Variants in KDM4C observed in about 807,000 individuals in gnomAD.
KDM4C encodes lysine demethylase 4C, also known as lysine-specific demethylase 4C.
KDM4C carries 81 observed loss-of-function variants against 129.3 expected under a neutral mutation model. The observed-to-expected ratio is 0.63, with a 90% CI of 0.52 to 0.75. KDM4C has a LOEUF of 0.75. Ranked by LOEUF, KDM4C falls within the 30% of genes least tolerant of loss-of-function variation. The pLI is 0.00. For synonymous variants in KDM4C, 573 were observed against 456.1 expected (o/e 1.26, Z -3.26); for missense variants, 1,457 against 1,304.0 (o/e 1.12, Z -1.81).
At chr9:7,037,321 A>C (rs191031851) in intron 15 of KDM4C, among the ~76,000 whole-genome samples, 8 of 152,164 alleles carry the variant, frequency 5.3e-5, no homozygotes, top group Non-Finnish European at 7.4e-5. Context: ...AGCTTCCTAC[A>C]ATGCAGCTTG....
intron 8 of KDM4C, among the ~76,000 whole-genome samples, chr9:6,910,001 G>A (rs1818988367): frequency 6.6e-6 from 1 of 152,164 alleles, no homozygotes; most frequent in Non-Finnish European, 1.5e-5. Context: ...GCATGTCCAA[G>A]TAATCCCTGG....
intron 12 of KDM4C, among the ~76,000 whole-genome samples, chr9:7,006,199 C>T (rs1466650140): frequency 2.0e-5 from 3 of 152,176 alleles, no homozygotes; most frequent in Non-Finnish European, 4.4e-5. Flanking sequence ...TTTGGAGTTT[C>T]TCTGAATGTC....
At chr9:6,763,209 C>G (rs530474257) in intron 1 of KDM4C, among the ~76,000 whole-genome samples, 59 of 152,286 alleles carry the variant, frequency 3.9e-4, no homozygotes, top group Middle Eastern at 3.4e-3. Flanking sequence ...ACTCTCAGCT[C>G]TGTGTGTGAC....
At chr9:7,033,340 C>G (rs920678625) in intron 15 of KDM4C, among the ~76,000 whole-genome samples, 1 of 152,174 alleles carries the variant, frequency 6.6e-6, no homozygotes, top group Non-Finnish European at 1.5e-5. Flanking sequence ...TTCTTCCCTA[C>G]TGTGGTGTCT....
At chr9:6,864,132 T>C (rs930989811) in intron 5 of KDM4C, among the ~76,000 whole-genome samples, 1 of 152,236 alleles carries the variant, frequency 6.6e-6, no homozygotes, top group African/African-American at 2.4e-5. Context: ...GTGGGTTTTT[T>C]CCCCTCCCTG....
Position 7,052,493 on chromosome 9 carries a change from C to T in KDM4C, c.2424+3293C>T, listed in dbSNP as rs1830279679. 2.0e-5 allele frequency among the ~76,000 whole-genome samples: 3 copies of T among 152,314 alleles called. No homozygotes were observed. The South Asian group carries it at 6.2e-4, about 32-fold the overall frequency. On this transcript the variant is annotated intron_variant, in intron 17 of 21. Coordinates refer to ENST00000381309, the MANE Select transcript of KDM4C (RefSeq NM_015061.6). ...ACAATAACAAATGGCCTTTGCCTTT[C>T]CACGGTTTCTCCTTTAAATGTAACA...
intron 8 of KDM4C, among the ~76,000 whole-genome samples, chr9:6,918,320 C>G (rs868272232): frequency 1.3e-5 from 2 of 152,172 alleles, no homozygotes; most frequent in African/African-American, 2.4e-5. Context: ...ACGGCCTCCA[C>G]CTGCATCTGT....
At chr9:7,021,146 A>C (rs1244806051) in intron 15 of KDM4C, among the ~76,000 whole-genome samples, 1 of 143,554 alleles carries the variant, frequency 7.0e-6, no homozygotes. Flanking sequence ...GTGTGTATAT[A>C]TATATATGTA....
In KDM4C at chr9:6,752,332, CAAAAAAAAAA is replaced by C. The variant is rs1159747148; in HGVS notation, c.49+31355_49+31364del. On this transcript the variant is annotated intron_variant, in intron 1 of 17. Transcript: ENST00000536108. Reference sequence around the variant, plus strand: ...TGGGCGACAGAGCGAAACTCCGTCTCAAAAAAAAAAAAAAAAAAAAAAAAAAAAATTAAGG... The same window carrying C: ...TGGGCGACAGAGCGAAACTCCGTCTCAAAAAAAAAAAAAAAAAAATTAAGG... Among the ~76,000 whole-genome samples, 6 of 19,260 alleles carry C rather than the reference CAAAAAAAAAA, an allele frequency of 3.1e-4. 1 individual carries two copies. The East Asian group carries it at 4.9e-3, about 16-fold the overall frequency. The allele number at this position is 19,260 out of a possible 152,430, so 12.6% of individuals were successfully genotyped here.
intron 1 of KDM4C, among the ~76,000 whole-genome samples, chr9:6,733,922 C>A (rs115728043): frequency 6.6e-6 from 1 of 152,128 alleles, no homozygotes; most frequent in Admixed American, 6.6e-5. Flanking sequence ...GCAGTGAGGA[C>A]AACCAGAGGT....
Position 6,795,627 on chromosome 9 carries a change from C to T in KDM4C, c.144+2495C>T, listed in dbSNP as rs185187143. On this transcript the variant is annotated intron_variant, in intron 2 of 21. Transcript: ENST00000381309. ...GATTATAGGCATGAGCCACCGTGCC[C>T]GGACATGTATCTTGTTAAAGTTCAT... Among the ~76,000 whole-genome samples, 181 of 151,678 alleles carry T rather than the reference C, an allele frequency of 1.2e-3. 1 individual carries two copies. Among genetic ancestry groups the T allele is most frequent in the Admixed American group, 9.0e-3 (137 of 15,224 alleles).
At chr9:6,772,148 T>G (rs549801327) in intron 1 of KDM4C, among the ~76,000 whole-genome samples, 2 of 152,198 alleles carry the variant, frequency 1.3e-5, no homozygotes, top group African/African-American at 4.8e-5. Context: ...AGGAGAACAG[T>G]CTGTTTTTCT....
intron 8 of KDM4C, among the ~76,000 whole-genome samples, chr9:6,932,845 G>A (rs1824008735): frequency 1.3e-5 from 2 of 152,202 alleles, no homozygotes; most frequent in African/African-American, 4.8e-5. Context: ...AATACACAGG[G>A]CAGCCTCCAC....
At chr9:7,125,052 G>T (rs1419333041) in intron 18 of KDM4C, among the ~76,000 whole-genome samples, 1 of 152,086 alleles carries the variant, frequency 6.6e-6, no homozygotes, top group Non-Finnish European at 1.5e-5. Context: ...AAACCCCTCA[G>T]TGGCTTCCTA....
intron 8 of KDM4C, among the ~76,000 whole-genome samples, chr9:6,980,666 TC>T (rs970661235): frequency 1.1e-4 from 17 of 152,298 alleles, no homozygotes; most frequent in Middle Eastern, 3.4e-3. Flanking sequence ...GAGCACTCTT[TC>T]CTTTTAGTTT....
At chr9:7,004,361 A>G (rs1222404067) in intron 12 of KDM4C, among the ~76,000 whole-genome samples, 2 of 152,230 alleles carry the variant, frequency 1.3e-5, no homozygotes, top group African/African-American at 4.8e-5. Context: ...AACTTTTAAG[A>G]TGACATATTT....
intron 18 of KDM4C, among the ~76,000 whole-genome samples, chr9:7,124,512 T>G (rs1332932284): frequency 1.3e-5 from 2 of 152,128 alleles, no homozygotes; most frequent in Non-Finnish European, 2.9e-5. Context: ...TCAGTCTGCA[T>G]GCTGTGCCTC....
chr9:6,747,433 A>G (rs1017775275), intron 1 of KDM4C, among the ~76,000 whole-genome samples: 2 of 151,362 alleles, frequency 1.3e-5, no homozygotes, highest in Admixed American at 1.3e-4. Flanking sequence ...CTGTAGTCCC[A>G]ACTACTCCGG....
At chr9:6,830,503 G>C (rs1834636582) in intron 4 of KDM4C, among the ~76,000 whole-genome samples, 1 of 152,178 alleles carries the variant, frequency 6.6e-6, no homozygotes, top group Non-Finnish European at 1.5e-5. Flanking sequence ...ATATATGCTA[G>C]TTACAACAAG....
Sources: gnomAD v4.1 joint callset for allele counts (sites outside exome capture counted in the v4.1 genomes callset) on GRCh38, gnomAD v4.1.1 for gene constraint, MANE v1.5 for transcripts, NCBI Gene and HGNC (gene_info 2026-07-23, HGNC 2026-07-21) for gene names.